Variants in NR1H4 observed in about 807,000 individuals in gnomAD.
The protein encoded by NR1H4 is bile acid receptor.
In NR1H4, 23 loss-of-function variants were observed where a neutral mutation model predicts 58.5. That is an observed-to-expected ratio of 0.39 (90% CI 0.28 to 0.56). The LOEUF (loss-of-function observed/expected upper bound fraction) is 0.56, where lower values mean the gene tolerates loss of function less well. NR1H4 is among the 20% of genes least tolerant of loss of function. The probability of loss-of-function intolerance (pLI) is 0.58; values close to 1 mark genes in which losing one functional copy is unlikely to be tolerated. For synonymous variants in NR1H4, 214 were observed against 198.0 expected, an observed-to-expected ratio of 1.08 and a Z score of -0.68; for missense variants, 487 against 576.9, an observed-to-expected ratio of 0.84 and a Z score of 1.60.
rs754927859 is a variant in NR1H4, at chr12:100,510,972, C to A, written c.274C>A (p.Pro92Thr). The change falls in exon 4 of 11, where the codon CCA (proline) becomes ACA (threonine). Residue 92 changes from proline (P) to threonine (T), a missense_variant. Transcript: ENST00000392986. The stretch of plus-strand genomic sequence containing the variant: ...TGGAATATATGAACTCAGGCGTATG[C>A]CAGCTGAGACTCTCTACCAGGGAGA... ...SPGIYELRRM[P>T]AETLYQGETE... is the part of the protein sequence containing the mutation. 4 of 1,614,100 alleles carry A rather than the reference C, an allele frequency of 2.5e-6. No homozygotes were observed. The highest frequency in any genetic ancestry group is 3.4e-6 in the Non-Finnish European group (4 of 1,180,046).
intron 3 of NR1H4, 82 bp from the exon 4 acceptor site, chr12:100,510,696 A>T (rs1284690449): frequency 1.4e-6 from 2 of 1,470,136 alleles, no homozygotes; most frequent in Non-Finnish European, 1.9e-6. Flanking sequence ...TAGAGCCCAC[A>T]CTCCTAACCA....
intron 4 of NR1H4, among the ~76,000 whole-genome samples, chr12:100,513,352 G>A (rs987447040): frequency 2.6e-5 from 4 of 151,976 alleles, no homozygotes; most frequent in Admixed American, 2.0e-4. Flanking sequence ...TCCCATCTCC[G>A]AATGATAAAA....
chr12:100,509,257 G>C (rs575730812), intron 3 of NR1H4, among the ~76,000 whole-genome samples: 1 of 152,306 alleles, frequency 6.6e-6, no homozygotes, highest in South Asian at 2.1e-4. Context: ...ACAACACTTT[G>C]AAGAGTCAGA....
intron 3 of NR1H4, among the ~76,000 whole-genome samples, chr12:100,501,142 A>G (rs17774842): frequency 0.027 from 4,073 of 151,764 alleles, 64 homozygotes; most frequent in Middle Eastern, 0.044. Flanking sequence ...CTTATCTAGT[A>G]TAGATGTTTC....
At chr12:100,474,213 A>G (rs1953220498) in intron 1 of NR1H4, among the ~76,000 whole-genome samples, 154 bp downstream of exon 1, 2 of 152,248 alleles carry the variant, frequency 1.3e-5, no homozygotes. Context: ...AAATTAAAAA[A>G]GAGAGAAACT....
At chr12:100,558,240 GCA>G (rs1955378313) in intron 9 of NR1H4, among the ~76,000 whole-genome samples, 1 of 148,580 alleles carries the variant, frequency 6.7e-6, no homozygotes, top group Non-Finnish European at 1.5e-5. Context: ...AGGTGTGGTG[GCA>G]CACACCTGTA....
At chr12:100,538,997 A>G (rs1954877530) in intron 8 of NR1H4, among the ~76,000 whole-genome samples, 1 of 152,262 alleles carries the variant, frequency 6.6e-6, no homozygotes, top group South Asian at 2.1e-4. Context: ...ATTTTTGGTT[A>G]TTTATGGGAA....
At chr12:100,563,152 TTAAC>T in intron 10 of NR1H4, 95 bp from the exon 11 acceptor site, 1 of 940,540 alleles carries the variant, frequency 1.1e-6, no homozygotes, top group Non-Finnish European at 1.7e-6. Context: ...TGTACAACAT[TTAAC>T]TTACACTTCA....
intron 1 of NR1H4, among the ~76,000 whole-genome samples, chr12:100,481,971 G>A (rs1477131452): frequency 2.6e-5 from 4 of 151,780 alleles, no homozygotes; most frequent in African/African-American, 7.3e-5. Context: ...GGCAAGTGGT[G>A]CATGCCTGTA....
intron 4 of NR1H4, among the ~76,000 whole-genome samples, chr12:100,511,597 A>G (rs1042781140): frequency 1.3e-5 from 2 of 152,192 alleles, no homozygotes; most frequent in African/African-American, 4.8e-5. Flanking sequence ...AGAGAGAAAG[A>G]AAGAGCCAAG....
rs1373298542 is a variant in NR1H4, at chr12:100,563,559, A to G, written c.*70A>G. 2.5e-6 allele frequency: 3 copies of G among 1,199,114 alleles called. No individual in the cohort carries two copies. Among genetic ancestry groups the G allele is most frequent in the African/African-American group, 3.0e-5 (2 of 66,688 alleles). The allele number at this position is 1,199,114 out of a possible 1,614,324, so 74.3% of individuals were successfully genotyped here. ...TTAATCTGATGTATAACTTTCCTTT[A>G]TTTCACTTGTACCCAGTTTCACTCA... On this transcript the variant is annotated 3_prime_UTR_variant, in exon 11 of 11. Coordinates refer to ENST00000392986, the MANE Select transcript of NR1H4 (RefSeq NM_001206979.2).
Position 100,492,540 on chromosome 12 carries a change from A to C in NR1H4, c.-152A>C. ...CATCGTAGAAGGAGTGAAAGAAGAA[A>C]AGAAGACTTAGAAACATAGCTCAAA... On this transcript the variant is annotated 5_prime_UTR_variant, in exon 2 of 11. Transcript: ENST00000392986. 6.6e-6 allele frequency: 1 copy of C among 152,216 alleles called. No homozygotes were observed. The highest frequency in any genetic ancestry group is 1.9e-4 in the East Asian group (1 of 5,198). 9.4% of individuals were successfully genotyped at this position (152,216 alleles called of 1,614,324 possible).
At chr12:100,482,285 A>G (rs17030196) in intron 1 of NR1H4, among the ~76,000 whole-genome samples, 24,263 of 151,904 alleles carry the variant, frequency 0.16, 4,639 homozygotes, top group African/African-American at 0.46. Context: ...TAGTTGTTAG[A>G]TTTCTTTATG....
rs1555329998 is a variant in NR1H4 at position 100,475,121 on chromosome 12, T to TTACCTATCTATCTATC, written c.-190+1065_-190+1080dup. On this transcript the variant is annotated intron_variant, in intron 1 of 10. Transcript: ENST00000392986. ...GTCAGTCACACCTCAGTAAAGTGGTTTACCTATCTATCTATCTATCTATCT... is the reference window on the plus strand; with the variant it reads ...GTCAGTCACACCTCAGTAAAGTGGTTTACCTATCTATCTATCTACCTATCTATCTATCTATCTATCT... 5.6e-3 allele frequency among the ~76,000 whole-genome samples: 558 copies of TTACCTATCTATCTATC among 100,510 alleles called. 3 individuals are homozygous for TTACCTATCTATCTATC. The highest frequency in any genetic ancestry group is 0.047 in the South Asian group (126 of 2,676). The allele number at this position is 100,510 out of a possible 152,430, so 65.9% of individuals were successfully genotyped here. A position where few individuals can be genotyped will look rare whatever the true frequency, so the allele number is the denominator to read the frequency against.
intron 3 of NR1H4, among the ~76,000 whole-genome samples, chr12:100,509,016 C>G (rs769767530): frequency 1.3e-5 from 2 of 152,144 alleles, no homozygotes; most frequent in African/African-American, 4.8e-5. Context: ...GTATTCTGTT[C>G]TGAAATCCTG....
At chr12:100,537,488 G>C (rs1954839856) in intron 8 of NR1H4, among the ~76,000 whole-genome samples, 1 of 152,118 alleles carries the variant, frequency 6.6e-6, no homozygotes, top group Non-Finnish European at 1.5e-5. Context: ...ATTACCTTCA[G>C]GGAGAGTGAT....
At chr12:100,530,842 C>T (rs1031563191) in intron 4 of NR1H4, among the ~76,000 whole-genome samples, 7 of 152,184 alleles carry the variant, frequency 4.6e-5, no homozygotes, top group African/African-American at 1.7e-4. Context: ...AAAGAGTCTT[C>T]AAGACGATCA....
At chr12:100,558,503 A>T (rs1955388182) in intron 9 of NR1H4, among the ~76,000 whole-genome samples, 1 of 152,172 alleles carries the variant, frequency 6.6e-6, no homozygotes, top group Non-Finnish European at 1.5e-5. Context: ...GACCACAGGC[A>T]TGTGCCCACT....
At chr12:100,513,573 TCA>T (rs1954178919) in intron 4 of NR1H4, among the ~76,000 whole-genome samples, 1 of 152,132 alleles carries the variant, frequency 6.6e-6, no homozygotes, top group Non-Finnish European at 1.5e-5. Context: ...GGTGGGGGGA[TCA>T]CCTAAGGTCA....
Sources: gnomAD v4.1 joint callset for allele counts (sites outside exome capture counted in the v4.1 genomes callset) on GRCh38, gnomAD v4.1.1 for gene constraint, MANE v1.5 for transcripts, NCBI Gene and HGNC (gene_info 2026-07-23, HGNC 2026-07-21) for gene names.